The following TRAPPC11 variants were observed in gnomAD, a reference collection of about 807,000 sequenced individuals.
TRAPPC11 encodes foie gras homolog.
TRAPPC11 carries 104 observed loss-of-function variants against 151.2 expected under a neutral mutation model. That is an observed-to-expected ratio of 0.69 (90% CI 0.59 to 0.81). TRAPPC11 has a LOEUF of 0.81. Among genes scored for constraint, TRAPPC11 ranks in the 30% least tolerant of loss-of-function variants. The probability of loss-of-function intolerance (pLI) is 0.00; values close to 1 mark genes in which losing one functional copy is unlikely to be tolerated. For synonymous variants in TRAPPC11, 456 were observed against 472.3 expected (o/e 0.97, Z 0.45); for missense variants, 1,230 against 1,349.6 (o/e 0.91, Z 1.39).
chr4:183,684,265 G>T, intron 13 of TRAPPC11, 40 bp from the exon 14 acceptor site: 2 of 1,610,576 alleles, frequency 1.2e-6, no homozygotes, highest in Non-Finnish European at 8.5e-7. Flanking sequence ...AACTTTGAAT[G>T]ACTTTAAGTT....
chr4:183,665,623 G>A (rs1416584290), intron 2 of TRAPPC11, among the ~76,000 whole-genome samples: 4 of 152,222 alleles, frequency 2.6e-5, no homozygotes, highest in African/African-American at 9.6e-5. Flanking sequence ...AGCCAGCACA[G>A]CTGATTTGGA....
chr4:183,702,753 G>A (rs1736864073), intron 26 of TRAPPC11, among the ~76,000 whole-genome samples: 2 of 152,128 alleles, frequency 1.3e-5, no homozygotes, highest in Non-Finnish European at 2.9e-5. Context: ...CTTAGACTGG[G>A]AAGTAGATAC....
chr4:183,662,699 T>C lies in TRAPPC11; in HGVS notation c.-21-1148T>C, dbSNP rs114191903. On this transcript the variant is annotated intron_variant, in intron 1 of 29. Transcript: ENST00000334690. ...GTATTCAGAAATTCAATATTAGCAA[T>C]TACAGAGAAATTAGGGGAAGTTTAT... 3.4e-3 allele frequency among the ~76,000 whole-genome samples: 511 copies of C among 152,270 alleles called. 5 individuals carry two copies. The highest frequency in any genetic ancestry group is 0.011 in the African/African-American group (478 of 41,578).
Position 183,681,596 on chromosome 4 carries a change from C to T in TRAPPC11, c.1114-1136C>T, listed in dbSNP as rs553412029. Among the ~76,000 whole-genome samples, 18 of 151,928 alleles carry T rather than the reference C, an allele frequency of 1.2e-4. No individual in the cohort carries two copies. In the East Asian group the frequency reaches 2.5e-3, roughly 21 times the overall value. Reference sequence around the variant, plus strand: ...GAGATCGAGACCATCCTGGCTAACACGATGAAACCCCGTCTCTACTAAAAA... The same window carrying T: ...GAGATCGAGACCATCCTGGCTAACATGATGAAACCCCGTCTCTACTAAAAA... On this transcript the variant is annotated intron_variant, in intron 10 of 29. Transcript: ENST00000334690.
rs145144761 is a variant in TRAPPC11 at position 183,691,645 on chromosome 4, C to T, written c.2049+174C>T. On this transcript the variant is annotated intron_variant, in intron 19 of 29. Transcript: ENST00000334690. Reference sequence around the variant, plus strand: ...TTTCCTTCAGACATTTTTCTGTGAACATACTTGTAGTTTAAAATTTTTTGC... The same window carrying T: ...TTTCCTTCAGACATTTTTCTGTGAATATACTTGTAGTTTAAAATTTTTTGC... 8.9e-3 allele frequency among the ~76,000 whole-genome samples: 1,355 copies of T among 152,084 alleles called. 24 individuals are homozygous for T. Among genetic ancestry groups the T allele is most frequent in the African/African-American group, 0.031 (1,289 of 41,492 alleles).
Position 183,705,128 on chromosome 4 carries a change from C to T in TRAPPC11, c.3055+58C>T, listed in dbSNP as rs866633246. 2.2e-5 allele frequency: 26 copies of T among 1,192,908 alleles called. No homozygotes were observed. In the African/African-American group the frequency reaches 2.8e-4, roughly 13 times the overall value. The allele number at this position is 1,192,908 out of a possible 1,614,324, so 73.9% of individuals were successfully genotyped here. On this transcript the variant is annotated intron_variant, in intron 27 of 29. Coordinates refer to ENST00000334690, the MANE Select transcript of TRAPPC11 (RefSeq NM_021942.6). The stretch of plus-strand genomic sequence containing the variant: ...GACCCAATAATAATAGTTATTTTAA[C>T]CTCTAAGAGTTTAGTTATTTTAACA...
At position 183,712,991 on chromosome 4, in the gene TRAPPC11, C is replaced by T; in HGVS notation, c.*347C>T. On this transcript the variant is annotated 3_prime_UTR_variant, in exon 30 of 30. Transcript: ENST00000334690. ...CCCAAGTGTGACTGGACAAAGAGAG[C>T]AGATGCACCAGTGCCTGTGCCATAA... 8.2e-6 allele frequency: 2 copies of T among 244,556 alleles called. No homozygotes were observed. The highest frequency in any genetic ancestry group is 8.1e-5 in the South Asian group (1 of 12,376). 15.1% of individuals were successfully genotyped at this position (244,556 alleles called of 1,614,324 possible). A position where few individuals can be genotyped will look rare whatever the true frequency, so the allele number is the denominator to read the frequency against.
In TRAPPC11 at chr4:183,672,960, A is replaced by ATTTTTTTTT. The variant is rs35637688; in HGVS notation, c.561-1741_561-1733dup. Among the ~76,000 whole-genome samples, 156 of 131,006 alleles carry ATTTTTTTTT rather than the reference A, an allele frequency of 1.2e-3. 2 individuals carry two copies. Among genetic ancestry groups the ATTTTTTTTT allele is most frequent in the African/African-American group, 4.4e-3 (152 of 34,338 alleles). 85.9% of individuals were successfully genotyped at this position (131,006 alleles called of 152,430 possible). A position where few individuals can be genotyped will look rare whatever the true frequency, so the allele number is the denominator to read the frequency against. ...GTGCCTTGTTGCTACCCGTTCGCAA[A>ATTTTTTTTT]TTTTTTTTTTTTTTTTTTTTGAGAT... On this transcript the variant is annotated intron_variant, in intron 5 of 29. Coordinates refer to ENST00000334690, the MANE Select transcript of TRAPPC11 (RefSeq NM_021942.6).
intron 1 of TRAPPC11, among the ~76,000 whole-genome samples, chr4:183,660,415 A>G (rs1451200567): frequency 6.6e-6 from 1 of 152,212 alleles, no homozygotes; most frequent in South Asian, 2.1e-4. Flanking sequence ...GTCATTAATA[A>G]CTTTTATATT....
At position 183,693,990 on chromosome 4, in the gene TRAPPC11, G is replaced by A. The variant is rs1216064886; in HGVS notation, c.2460G>A (p.Pro820=). 4.3e-6 allele frequency: 7 copies of A among 1,613,872 alleles called. No homozygotes were observed. Among genetic ancestry groups the A allele is most frequent in the East Asian group, 2.2e-5 (1 of 44,888 alleles). ...HGTELCDESY[P]ALLTDIPVGD... is the part of the protein sequence containing the mutation. ...CAGAACTGTGTGATGAATCCTACCCGGCTTTACTCACTGACATTCCTGTTG... is the reference window on the plus strand; with the variant it reads ...CAGAACTGTGTGATGAATCCTACCCAGCTTTACTCACTGACATTCCTGTTG... The change falls in exon 22 of 30, where the codon CCG becomes CCA. Residue 820 remains proline (P), a synonymous_variant. Transcript: ENST00000334690.
intron 28 of TRAPPC11, among the ~76,000 whole-genome samples, chr4:183,707,223 G>A (rs796614079): frequency 8.7e-5 from 13 of 150,268 alleles, no homozygotes; most frequent in African/African-American, 3.0e-4. Flanking sequence ...ACTTAAAAAT[G>A]TCCCCTTATT....
At position 183,693,657 on chromosome 4, in the gene TRAPPC11, T is replaced by C. The variant is rs1236250238; in HGVS notation, c.2306T>C (p.Met769Thr). 24 of 1,613,988 alleles carry C rather than the reference T, an allele frequency of 1.5e-5. No individual in the cohort carries two copies. The highest frequency in any genetic ancestry group is 5.0e-5 in the Admixed American group (3 of 59,976). The change falls in exon 21 of 30, where the codon ATG becomes ACG. Residue 769 changes from methionine to threonine, a missense_variant. Physicochemically the swap from Met to Thr is moderately conservative, Grantham distance 81. Transcript: ENST00000334690. ...GAACCCCCTGCACTGACTAATGAAA[T>C]GTATTGTTTGGTTGTGACTGTTCAG... ...LHEPPALTNE[M>T]YCLVVTVQSH... is the part of the protein sequence containing the mutation.
intron 23 of TRAPPC11, 94 bp downstream of exon 23, chr4:183,694,817 C>A: frequency 7.9e-7 from 1 of 1,270,772 alleles, no homozygotes; most frequent in Non-Finnish European, 1.1e-6. Context: ...ATAAAATAAG[C>A]AGTTTAGGTG....
At chr4:183,669,055 A>G (rs1179847502) in intron 5 of TRAPPC11, among the ~76,000 whole-genome samples, 1 of 152,242 alleles carries the variant, frequency 6.6e-6, no homozygotes, top group African/African-American at 2.4e-5. Context: ...CTTCTAAGAA[A>G]GAGAAGCATA....
chr4:183,710,024 G>A (rs140318485), intron 29 of TRAPPC11, among the ~76,000 whole-genome samples: 12 of 152,258 alleles, frequency 7.9e-5, no homozygotes, highest in African/African-American at 2.6e-4. Flanking sequence ...TTTAAACTTA[G>A]AAGTACTGTT....
chr4:183,707,937 CCTG>C (rs1737159041), intron 28 of TRAPPC11, among the ~76,000 whole-genome samples: 1 of 150,384 alleles, frequency 6.6e-6, no homozygotes, highest in Non-Finnish European at 1.5e-5. Context: ...TTTTTTTCCT[CCTG>C]CAGTTACTTA....
At chr4:183,680,987 C>T (rs1053978386) in intron 10 of TRAPPC11, among the ~76,000 whole-genome samples, 3 of 151,958 alleles carry the variant, frequency 2.0e-5, no homozygotes, top group African/African-American at 7.3e-5. Flanking sequence ...GCCACCGCGC[C>T]TGGCCTCCTG....
chr4:183,689,672 T>G lies in TRAPPC11; in HGVS notation c.1894-1644T>G, dbSNP rs184769605. On this transcript the variant is annotated intron_variant, in intron 18 of 29. Coordinates refer to ENST00000334690, the MANE Select transcript of TRAPPC11 (RefSeq NM_021942.6). ...TAAAGAGATACTTTGTTGCCCAGGC[T>G]GGAGTGCAGTGATGTGATCATAACT... 4.7e-3 allele frequency among the ~76,000 whole-genome samples: 715 copies of G among 150,818 alleles called. 8 individuals are homozygous for G. The highest frequency in any genetic ancestry group is 0.017 in the African/African-American group (686 of 41,002).
chr4:183,704,925 T>G (rs1327336565), intron 26 of TRAPPC11, 54 bp from the exon 27 acceptor site: 3 of 1,170,772 alleles, frequency 2.6e-6, no homozygotes, highest in Non-Finnish European at 3.7e-6. Flanking sequence ...ACTTCTTTCA[T>G]AGTTTAAAAA....
Sources: gnomAD v4.1 joint callset for allele counts (sites outside exome capture counted in the v4.1 genomes callset) on GRCh38, gnomAD v4.1.1 for gene constraint, MANE v1.5 for transcripts, NCBI Gene and HGNC (gene_info 2026-07-23, HGNC 2026-07-21) for gene names.